The following ATP11C variants were observed in gnomAD, a reference collection of about 807,000 sequenced individuals.
The protein encoded by ATP11C is ATPase phospholipid transporting 11C (ATP11C blood group), also known as phospholipid-transporting ATPase IG.
A neutral mutation model predicts 97.4 loss-of-function variants in ATP11C; 36 were observed. The ratio of observed to expected loss-of-function variants is 0.37; its 90% confidence interval spans 0.28 to 0.49. The LOEUF (loss-of-function observed/expected upper bound fraction) is 0.49. Among genes scored for constraint, ATP11C ranks in the 20% least tolerant of loss-of-function variants. ATP11C has a pLI of 0.98. For synonymous variants in ATP11C, 275 were observed against 290.9 expected (o/e 0.95, Z 0.56); for missense variants, 730 against 824.6 (o/e 0.89, Z 1.40).
intron 13 of ATP11C, among the ~76,000 whole-genome samples, chrX:139,788,822 C>T (rs2082631356): frequency 8.9e-6 from 1 of 112,151 alleles, no homozygotes; most frequent in Admixed American, 9.4e-5. Flanking sequence ...AATGTCATTT[C>T]CCACAATTCT....
At chrX:139,860,815 C>G (rs1053789686) in intron 1 of ATP11C, among the ~76,000 whole-genome samples, 1 of 111,957 alleles carries the variant, frequency 8.9e-6, no homozygotes, top group African/African-American at 3.3e-5. Flanking sequence ...GAGACTCCGT[C>G]TCAGAAAAAA....
rs1447122785 is a variant in ATP11C, at chrX:139,745,762, T to G, written c.2924A>C (p.Tyr975Ser). 8.3e-7 allele frequency: 1 copy of G among 1,208,132 alleles called. No individual in the cohort carries two copies. The highest frequency in any genetic ancestry group is 1.7e-5 in the African/African-American group (1 of 57,573). ...TAGGGATGCAGTCTGAAAAAGAAAG[T>G]AAGTCCCAAAGAAGAACACTGTCCC... The part of the protein sequence containing the change: ...FEGTVFFFGT[Y>S]FLFQTASLEE... The change falls in exon 25 of 30, where the codon TAC becomes TCC. Residue 975 changes from tyrosine (Y) to serine (S), a missense_variant. Physicochemically the swap from Tyr to Ser is moderately radical, Grantham distance 144 (BLOSUM62 -2). Coordinates refer to ENST00000682941, the MANE Select transcript of ATP11C (RefSeq NM_001353812.2).
rs1008883302 is a variant in ATP11C, at chrX:139,774,935, T to C, written c.1971A>G (p.Ala657=). The C allele has an allele frequency of 3.3e-6, 4 of 1,205,200 alleles. No homozygotes were observed. Among genetic ancestry groups the C allele is most frequent in the Non-Finnish European group, 4.5e-6 (4 of 892,353 alleles). The stretch of plus-strand genomic sequence containing the variant: ...CTGCATGCAGAGCTTCAATGGTCTC[T>C]GCAGCTTGATCTTGTAGCCTGGGAA... ...AVEDKLQDQA[A]ETIEALHAAG... is the part of the protein sequence containing the mutation. Residue 657 remains alanine (A), a synonymous_variant, in exon 19 of 30, where the codon GCA becomes GCG. Transcript: ENST00000682941.
intron 1 of ATP11C, among the ~76,000 whole-genome samples, chrX:139,920,049 G>A (rs2085231405): frequency 9.0e-6 from 1 of 111,415 alleles, no homozygotes; most frequent in Non-Finnish European, 1.9e-5. Flanking sequence ...TCCATAAAAC[G>A]GAGTATTCTC....
In ATP11C at chrX:139,789,502, A is replaced by G. The variant is rs947083833; in HGVS notation, c.1207-14T>C. On this transcript the variant is annotated splice_polypyrimidine_tract_variant and intron_variant, in intron 12 of 29. Coordinates refer to ENST00000682941, the MANE Select transcript of ATP11C (RefSeq NM_001353812.2). ...TACATAATCCACCTAAAACAAGGAC[A>G]CAAACATATATTGTTAGTTTCTTCA... is the stretch of plus-strand genomic sequence containing the variant. 1 of 1,160,900 alleles carries G rather than the reference A, an allele frequency of 8.6e-7. No homozygotes were observed. Among genetic ancestry groups the G allele is most frequent in the Non-Finnish European group, 1.2e-6 (1 of 866,320 alleles).
At chrX:139,893,742 A>C (rs2084765487) in intron 1 of ATP11C, among the ~76,000 whole-genome samples, 1 of 89,994 alleles carries the variant, frequency 1.1e-5, no homozygotes. Context: ...AACAAACTAC[A>C]AAAAAAAAAA....
chrX:139,808,460 G>GA (rs1325798042), intron 5 of ATP11C, among the ~76,000 whole-genome samples: 7 of 111,108 alleles, frequency 6.3e-5, no homozygotes, highest in Non-Finnish European at 1.3e-4. Flanking sequence ...ACTGAAAATA[G>GA]AAAGAAAAAT....
intron 26 of ATP11C, among the ~76,000 whole-genome samples, chrX:139,741,355 C>T (rs200765266): frequency 9.1e-6 from 1 of 109,892 alleles, no homozygotes; most frequent in East Asian, 2.9e-4. Flanking sequence ...TGTAGGGCTG[C>T]AGATATCTCA....
chrX:139,926,261 A>T (rs1419362194), intron 1 of ATP11C, among the ~76,000 whole-genome samples: 1 of 111,805 alleles, frequency 8.9e-6, no homozygotes, highest in Non-Finnish European at 1.9e-5. Flanking sequence ...CATCTGTATA[A>T]AGCACTACAG....
At chrX:139,737,268 A>G (rs1441390115) in intron 28 of ATP11C, among the ~76,000 whole-genome samples, 1 of 111,632 alleles carries the variant, frequency 9.0e-6, no homozygotes, top group Non-Finnish European at 1.9e-5. Flanking sequence ...AAGATATCAT[A>G]ATGAGGCAGC....
At chrX:139,803,752 G>A in intron 6 of ATP11C, among the ~76,000 whole-genome samples, 1 of 82,714 alleles carries the variant, frequency 1.2e-5, no homozygotes, top group Non-Finnish European at 2.2e-5. Context: ...AGGCTGGAGT[G>A]CAGTGGCGTG....
intron 1 of ATP11C, among the ~76,000 whole-genome samples, chrX:139,853,262 A>G (rs746280546): frequency 6.3e-5 from 7 of 110,415 alleles, no homozygotes; most frequent in African/African-American, 1.0e-4. Flanking sequence ...AGAGGCAAGG[A>G]AAGACCAGCA....
intron 1 of ATP11C, among the ~76,000 whole-genome samples, chrX:139,918,744 C>T (rs1187555354): frequency 1.1e-4 from 12 of 107,285 alleles, no homozygotes; most frequent in Non-Finnish European, 2.1e-4. Flanking sequence ...TCCTGGAGGA[C>T]TTTATGCTAA....
chrX:139,852,247 T>C (rs2147956719), intron 1 of ATP11C, among the ~76,000 whole-genome samples: 1 of 109,773 alleles, frequency 9.1e-6, no homozygotes, highest in South Asian at 4.1e-4. Flanking sequence ...CCGCTGAGAA[T>C]TAAAAAGAAA....
At chrX:139,874,295 G>A (rs750146219) in intron 1 of ATP11C, among the ~76,000 whole-genome samples, 6 of 101,862 alleles carry the variant, frequency 5.9e-5, no homozygotes, top group Admixed American at 1.1e-4. Flanking sequence ...CCTGACCTCA[G>A]GTAATCCACC....
chrX:139,745,840 G>C lies in ATP11C; in HGVS notation c.2846C>G (p.Ala949Gly). The C allele has an allele frequency of 1.7e-6, 2 of 1,198,162 alleles. No individual in the cohort carries two copies. The highest frequency in any genetic ancestry group is 2.2e-6 in the Non-Finnish European group (2 of 889,945). Residue 949 changes from alanine to glycine, a missense_variant, in exon 25 of 30, where the codon GCC becomes GGC. By Grantham distance (60) the Ala-to-Gly change is moderately conservative. Transcript: ENST00000682941. ...PRLYMKISGN[A>G]MLQLGPFLYW... ...TAAGAAGGGGCCCAACTGTAGCATG[G>C]CATTGCCAGAAATTTTCCTATTGAG...
At chrX:139,908,490 T>A (rs2085018022) in intron 1 of ATP11C, among the ~76,000 whole-genome samples, 1 of 112,609 alleles carries the variant, frequency 8.9e-6, no homozygotes, top group African/African-American at 3.2e-5. Flanking sequence ...CTTTTGTTTT[T>A]ATTTACCACT....
At chrX:139,923,101 T>A (rs930404944) in intron 1 of ATP11C, among the ~76,000 whole-genome samples, 2 of 112,256 alleles carry the variant, frequency 1.8e-5, no homozygotes, top group South Asian at 3.7e-4. Context: ...TACTTTTTTT[T>A]ATAACAGCTC....
chrX:139,909,143 T>A lies in ATP11C; in HGVS notation c.27+22873A>T, dbSNP rs183894061. On this transcript the variant is annotated intron_variant, in intron 1 of 29. Coordinates refer to ENST00000682941, the MANE Select transcript of ATP11C (RefSeq NM_001353812.2). ...GGGTTTTTTTTATTTTGTTTTGTTT[T>A]GTTTTGAGACAGAGTTTCACTCTTA... is the stretch of plus-strand genomic sequence containing the variant. Among the ~76,000 whole-genome samples, 843 of 111,337 alleles carry A rather than the reference T, an allele frequency of 7.6e-3. 6 individuals carry two copies. The highest frequency in any genetic ancestry group is 0.018 in the Middle Eastern group (4 of 217).
Sources: allele counts gnomAD v4.1 joint callset (sites outside exome capture counted in the v4.1 genomes callset), GRCh38; gene constraint gnomAD v4.1.1; transcripts MANE v1.5; gene names NCBI Gene and HGNC (gene_info 2026-07-23, HGNC 2026-07-21).